The following GIGYF2 variants were observed in gnomAD, a reference collection of about 807,000 sequenced individuals.
The protein encoded by GIGYF2 is GRB10-interacting GYF protein 2.
Under a neutral mutation model 208.1 loss-of-function variants are expected in GIGYF2, and 25 were observed. The ratio of observed to expected loss-of-function variants is 0.12; its 90% CI spans 0.09 to 0.17. The LOEUF (loss-of-function observed/expected upper bound fraction) is 0.17, where lower values mean the gene tolerates loss of function less well. GIGYF2 is among the 10% of genes least tolerant of loss of function. GIGYF2 has a pLI of 1.00. For synonymous variants in GIGYF2, 534 were observed against 543.8 expected (o/e 0.98, Z 0.25); for missense variants, 1,302 against 1,579.4 (o/e 0.82, Z 2.98).
At chr2:232,707,497 G>A (rs1696173750) in intron 2 of GIGYF2, among the ~76,000 whole-genome samples, 1 of 152,138 alleles carries the variant, frequency 6.6e-6, no homozygotes, top group African/African-American at 2.4e-5. Flanking sequence ...CTGATGTGTG[G>A]TGCTGCTCAA....
chr2:232,736,188 G>A (rs895760873), intron 3 of GIGYF2: 10 of 977,736 alleles, frequency 1.0e-5, no homozygotes, highest in East Asian at 1.1e-4. Flanking sequence ...TCTAAGAACC[G>A]ATGGAACTCC....
intron 21 of GIGYF2, among the ~76,000 whole-genome samples, chr2:232,832,406 G>A (rs928469325): frequency 6.6e-5 from 10 of 152,218 alleles, no homozygotes; most frequent in African/African-American, 2.4e-4. Context: ...CAAGGGGCAA[G>A]AGCCAGGGAT....
chr2:232,729,537 AAGC>A (rs1357454702), intron 2 of GIGYF2: 1 of 1,322,762 alleles, frequency 7.6e-7, no homozygotes, highest in Non-Finnish European at 1.0e-6. Context: ...ATTTTGTTGA[AAGC>A]AGCCACATCC....
intron 3 of GIGYF2, among the ~76,000 whole-genome samples, chr2:232,737,049 CAG>C (rs1697762626): frequency 6.6e-6 from 1 of 152,182 alleles, no homozygotes; most frequent in Admixed American, 6.5e-5. Context: ...CATTGAAAGA[CAG>C]AGACGTCCAT....
chr2:232,745,529 A>G (rs1304567808), intron 3 of GIGYF2, among the ~76,000 whole-genome samples: 1 of 152,218 alleles, frequency 6.6e-6, no homozygotes, highest in Non-Finnish European at 1.5e-5. Context: ...ACTGTTGGAC[A>G]CTGTTGGAAG....
intron 3 of GIGYF2, among the ~76,000 whole-genome samples, chr2:232,744,097 C>T (rs1698063114): frequency 6.6e-6 from 1 of 152,158 alleles, no homozygotes; most frequent in Non-Finnish European, 1.5e-5. Flanking sequence ...CCACCTGCCT[C>T]AACCTCCCAA....
intron 2 of GIGYF2, among the ~76,000 whole-genome samples, chr2:232,713,954 C>T (rs1255215425): frequency 3.9e-4 from 51 of 130,030 alleles, no homozygotes; most frequent in Non-Finnish European, 3.6e-4. Flanking sequence ...TTTTTTTTCT[C>T]TTTTTTTTTT....
chr2:232,741,891 A>C (rs1404360518), intron 3 of GIGYF2, among the ~76,000 whole-genome samples: 4 of 152,186 alleles, frequency 2.6e-5, no homozygotes, highest in Non-Finnish European at 5.9e-5. Context: ...CTAGCCTCTT[A>C]GTTTCATGAA....
intron 8 of GIGYF2, among the ~76,000 whole-genome samples, chr2:232,766,249 G>GT (rs1267654991): frequency 2.0e-5 from 3 of 151,912 alleles, no homozygotes; most frequent in Non-Finnish European, 4.4e-5. Flanking sequence ...TTTACCAATA[G>GT]TTTTTTTTGG....
intron 5 of GIGYF2, among the ~76,000 whole-genome samples, chr2:232,751,037 G>C (rs944266727): frequency 6.6e-6 from 1 of 152,002 alleles, no homozygotes; most frequent in African/African-American, 2.4e-5. Flanking sequence ...CTGTTATCTA[G>C]GCTGGTGTTG....
chr2:232,721,297 C>T (rs536891258), intron 2 of GIGYF2, among the ~76,000 whole-genome samples: 2 of 152,342 alleles, frequency 1.3e-5, no homozygotes, highest in South Asian at 2.1e-4. Flanking sequence ...TTCTTCTTCC[C>T]TTGACCAAAT....
chr2:232,844,990 A>AAAT (rs1701952237), intron 25 of GIGYF2, among the ~76,000 whole-genome samples: 4 of 152,190 alleles, frequency 2.6e-5, no homozygotes, highest in Admixed American at 1.3e-4. Context: ...TTATTTTTAT[A>AAAT]AGTTAGTTAC....
At chr2:232,789,334 A>G (rs1700004470) in intron 9 of GIGYF2, among the ~76,000 whole-genome samples, 2 of 152,168 alleles carry the variant, frequency 1.3e-5, no homozygotes, top group Non-Finnish European at 2.9e-5. Flanking sequence ...AAGAGGAGAA[A>G]CATGAGCCAG....
At chr2:232,762,384 T>C (rs1196975399) in intron 8 of GIGYF2, among the ~76,000 whole-genome samples, 3 of 151,430 alleles carry the variant, frequency 2.0e-5, no homozygotes, top group Non-Finnish European at 4.4e-5. Context: ...TCCCGAGTAG[T>C]TGGGACTACA....
At chr2:232,718,083 T>TG (rs1696773254) in intron 2 of GIGYF2, among the ~76,000 whole-genome samples, 1 of 151,948 alleles carries the variant, frequency 6.6e-6, no homozygotes, top group Non-Finnish European at 1.5e-5. Context: ...AGTAATTTTT[T>TG]TTGTTGTTGT....
intron 8 of GIGYF2, among the ~76,000 whole-genome samples, chr2:232,777,365 GCT>G (rs1699556639): frequency 6.6e-6 from 1 of 152,148 alleles, no homozygotes; most frequent in South Asian, 2.1e-4. Context: ...ATGTGATCCA[GCT>G]TGTTGGAACC....
intron 1 of GIGYF2, among the ~76,000 whole-genome samples, chr2:232,699,594 G>C (rs2106236966): frequency 6.6e-6 from 1 of 152,280 alleles, no homozygotes; most frequent in East Asian, 1.9e-4. Context: ...TTTAAAATGA[G>C]ATTGATGATA....
intron 3 of GIGYF2, among the ~76,000 whole-genome samples, chr2:232,741,187 T>A (rs1284199526): frequency 6.6e-6 from 1 of 152,234 alleles, no homozygotes; most frequent in Non-Finnish European, 1.5e-5. Flanking sequence ...TTTGCCTTTA[T>A]ATTTATTTCA....
rs539924018 is a variant in GIGYF2 at position 232,829,975 on chromosome 2, GTTTA to G, written c.2530-2866_2530-2863del. Among the ~76,000 whole-genome samples the G allele has an allele frequency of 4.9e-3, 742 of 152,038 alleles. 5 individuals carry two copies. Among genetic ancestry groups the G allele is most frequent in the Non-Finnish European group, 7.2e-3 (486 of 67,950 alleles). On this transcript the variant is annotated intron_variant, in intron 21 of 28. Coordinates refer to ENST00000373563, the MANE Select transcript of GIGYF2 (RefSeq NM_001103146.3). ...CATTCATTCATTCGTTTGTTTGTTT[GTTTA>G]TTTATTTATTTATTTTTATTGACAG...
Sources: gnomAD v4.1 joint callset for allele counts (sites outside exome capture counted in the v4.1 genomes callset) on GRCh38, gnomAD v4.1.1 for gene constraint, MANE v1.5 for transcripts, NCBI Gene and HGNC (gene_info 2026-07-23, HGNC 2026-07-21) for gene names.